SPAG16: variants seen among roughly 807,000 people sequenced by gnomAD.
SPAG16 encodes the protein sperm-associated antigen 16 protein.
SPAG16 carries 86 observed loss-of-function variants against 80.4 expected under a neutral mutation model. The ratio of observed to expected loss-of-function variants is 1.07; its 90% CI spans 0.90 to 1.28. The LOEUF is 1.28. SPAG16 is among the 50% of genes most tolerant of loss of function. SPAG16 has a pLI of 0.00. For synonymous variants in SPAG16, 294 were observed against 265.9 expected (o/e 1.11, Z -1.03); for missense variants, 870 against 765.3 (o/e 1.14, Z -1.61).
intron 15 of SPAG16, among the ~76,000 whole-genome samples, chr2:214,371,246 ATGTTGGC>A (rs1294741708): frequency 6.6e-6 from 1 of 152,074 alleles, no homozygotes; most frequent in Non-Finnish European, 1.5e-5. Flanking sequence ...TAAGAAGCAT[ATGTTGGC>A]CGGGCGCAGT....
chr2:213,992,798 A>C (rs2106456874), intron 12 of SPAG16, among the ~76,000 whole-genome samples: 1 of 152,332 alleles, frequency 6.6e-6, no homozygotes. Context: ...AAATTGTGCT[A>C]CATACAGATG....
chr2:213,598,458 A>G (rs1382578609), intron 10 of SPAG16, among the ~76,000 whole-genome samples: 1 of 152,208 alleles, frequency 6.6e-6, no homozygotes, highest in Non-Finnish European at 1.5e-5. Context: ...AGATTGCCAG[A>G]TGCCAGCTTC....
intron 3 of SPAG16, among the ~76,000 whole-genome samples, chr2:213,303,120 C>T (rs943698802): frequency 4.6e-5 from 7 of 152,178 alleles, no homozygotes; most frequent in African/African-American, 1.7e-4. Flanking sequence ...GTGCTAGTAA[C>T]CAGCACACTG....
intron 15 of SPAG16, among the ~76,000 whole-genome samples, chr2:214,231,399 G>A (rs993419070): frequency 3.9e-5 from 6 of 151,940 alleles, no homozygotes; most frequent in Admixed American, 2.0e-4. Context: ...CGACTTCAGA[G>A]TGAACTGAGA....
At chr2:213,660,286 T>C (rs1417103037) in intron 10 of SPAG16, among the ~76,000 whole-genome samples, 3 of 151,882 alleles carry the variant, frequency 2.0e-5, no homozygotes, top group Admixed American at 1.3e-4. Context: ...TTTTTTTTTT[T>C]CTGAGACAGA....
rs995419255 is a variant in SPAG16 at position 213,980,869 on chromosome 2, A to G, written c.1401-33082A>G. ...GGTTGCAGTGAGCCGAGATCACACC[A>G]CTGCACTACAGTCTAGGTGACAGAG... On this transcript the variant is annotated intron_variant, in intron 12 of 15. Transcript: ENST00000331683. 5.3e-5 allele frequency among the ~76,000 whole-genome samples: 8 copies of G among 151,286 alleles called. No individual in the cohort carries two copies. In the East Asian group the frequency reaches 1.4e-3, roughly 26 times the overall value.
intron 10 of SPAG16, among the ~76,000 whole-genome samples, chr2:213,743,593 A>G (rs2067682317): frequency 1.3e-5 from 2 of 152,154 alleles, no homozygotes; most frequent in Admixed American, 6.5e-5. Context: ...GACTTCCATT[A>G]TTGCTGTTGA....
intron 10 of SPAG16, among the ~76,000 whole-genome samples, chr2:213,521,179 C>G (rs1460523743): frequency 6.6e-6 from 1 of 152,074 alleles, no homozygotes; most frequent in South Asian, 2.1e-4. Flanking sequence ...GGAAGGTGGC[C>G]TGGTTGGTGG....
intron 10 of SPAG16, among the ~76,000 whole-genome samples, chr2:213,736,462 A>G (rs1203661913): frequency 6.6e-6 from 1 of 151,542 alleles, no homozygotes; most frequent in Non-Finnish European, 1.5e-5. Flanking sequence ...TAATTTTTGT[A>G]TTTTTAGTAG....
At chr2:214,389,204 T>C (rs1454928413) in intron 15 of SPAG16, among the ~76,000 whole-genome samples, 1 of 152,206 alleles carries the variant, frequency 6.6e-6, no homozygotes, top group East Asian at 1.9e-4. Flanking sequence ...CAGTTGATTG[T>C]GGCAGAGAAA....
At chr2:213,737,004 C>G (rs1229352286) in intron 10 of SPAG16, among the ~76,000 whole-genome samples, 1 of 152,210 alleles carries the variant, frequency 6.6e-6, no homozygotes, top group African/African-American at 2.4e-5. Flanking sequence ...CCATGCCCAG[C>G]CCAATGCTGT....
At chr2:214,399,698 CTTAA>C (rs1039918488) in intron 15 of SPAG16, among the ~76,000 whole-genome samples, 6 of 151,990 alleles carry the variant, frequency 3.9e-5, no homozygotes, top group Non-Finnish European at 7.4e-5. Flanking sequence ...TGATTAATTT[CTTAA>C]TTAAATTTTT....
chr2:213,929,343 T>G lies in SPAG16; in HGVS notation c.1215-617T>G, dbSNP rs551780697. 7.9e-5 allele frequency among the ~76,000 whole-genome samples: 12 copies of G among 151,618 alleles called. 2 individuals carry two copies. In the South Asian group the frequency reaches 2.5e-3, roughly 32 times the overall value. ...CGCCTACCCATTTCTTAAACTAGCT[T>G]TTGTGTCCACCACTTGGAAGCCACT... On this transcript the variant is annotated intron_variant, in intron 11 of 15. Coordinates refer to ENST00000331683, the MANE Select transcript of SPAG16 (RefSeq NM_024532.5).
At chr2:213,893,872 A>C (rs1366627050) in intron 11 of SPAG16, among the ~76,000 whole-genome samples, 1 of 152,142 alleles carries the variant, frequency 6.6e-6, no homozygotes, top group Non-Finnish European at 1.5e-5. Context: ...AAAACAAGCA[A>C]CGAAATGGCA....
chr2:214,252,734 T>C (rs1396497660), intron 15 of SPAG16, among the ~76,000 whole-genome samples: 1 of 152,174 alleles, frequency 6.6e-6, no homozygotes, highest in Non-Finnish European at 1.5e-5. Flanking sequence ...TTTGCTATTG[T>C]GAATAGTGCC....
At chr2:213,819,858 A>G (rs1220262298) in intron 10 of SPAG16, among the ~76,000 whole-genome samples, 1 of 151,576 alleles carries the variant, frequency 6.6e-6, no homozygotes, top group Non-Finnish European at 1.5e-5. Flanking sequence ...CCGGGTTCAA[A>G]CAATTCTCCT....
chr2:213,611,841 T>C (rs141742763), intron 10 of SPAG16, among the ~76,000 whole-genome samples: 3,069 of 152,252 alleles, frequency 0.02, 85 homozygotes, highest in African/African-American at 0.059. Flanking sequence ...AAACCACAGA[T>C]TTATTTACTT....
intron 15 of SPAG16, among the ~76,000 whole-genome samples, chr2:214,221,786 T>C (rs886656381): frequency 6.6e-6 from 1 of 152,172 alleles, no homozygotes; most frequent in Non-Finnish European, 1.5e-5. Flanking sequence ...GTTTTCACTT[T>C]AGCATTTCAA....
At chr2:214,060,680 T>C (rs2050216003) in intron 13 of SPAG16, among the ~76,000 whole-genome samples, 1 of 152,156 alleles carries the variant, frequency 6.6e-6, no homozygotes, top group Non-Finnish European at 1.5e-5. Flanking sequence ...AGGGTAGATA[T>C]CTTAAAAATG....
Sources: gnomAD v4.1 joint callset for allele counts (sites outside exome capture counted in the v4.1 genomes callset) on GRCh38, gnomAD v4.1.1 for gene constraint, MANE v1.5 for transcripts, NCBI Gene and HGNC (gene_info 2026-07-23, HGNC 2026-07-21) for gene names.